Variants in RBFOX1 observed in about 807,000 individuals in gnomAD.
RBFOX1 encodes the protein RNA binding protein fox-1 homolog 1.
RBFOX1 carries 8 observed loss-of-function variants against 57.7 expected under a neutral mutation model. The observed-to-expected ratio is 0.14, with a 90% CI of 0.08 to 0.25. The LOEUF is 0.25. Ranked by LOEUF, RBFOX1 falls within the 10% of genes least tolerant of loss-of-function variation. The pLI is 1.00. For synonymous variants in RBFOX1, 326 were observed against 222.4 expected, an observed-to-expected ratio of 1.47 and a Z score of -4.15; for missense variants, 611 against 548.5, an observed-to-expected ratio of 1.11 and a Z score of -1.14.
chr16:7,546,729 T>G (rs1473885085), intron 5 of RBFOX1, among the ~76,000 whole-genome samples: 1 of 152,252 alleles, frequency 6.6e-6, no homozygotes, highest in Non-Finnish European at 1.5e-5. Context: ...CTCTGATGGC[T>G]TCTTTGTGTC....
At chr16:5,881,584 G>A (rs1159349005) in intron 4 of RBFOX1, among the ~76,000 whole-genome samples, 1 of 152,182 alleles carries the variant, frequency 6.6e-6, no homozygotes, top group Non-Finnish European at 1.5e-5. Context: ...GGAGGCTGAG[G>A]TGGGAGGAGC....
At chr16:6,949,536 C>G (rs1310398784) in intron 3 of RBFOX1, among the ~76,000 whole-genome samples, 3 of 152,078 alleles carry the variant, frequency 2.0e-5, no homozygotes, top group Non-Finnish European at 1.5e-5. Context: ...GCCTCTCTCC[C>G]TGGTTTACTG....
intron 1 of RBFOX1, among the ~76,000 whole-genome samples, chr16:6,083,434 G>A (rs1413749765): frequency 1.3e-5 from 2 of 152,068 alleles, no homozygotes; most frequent in African/African-American, 2.4e-5. Context: ...TCTTTCAACT[G>A]CATATCATTA....
At chr16:6,297,259 T>A (rs1020709048) in intron 1 of RBFOX1, among the ~76,000 whole-genome samples, 10 of 152,160 alleles carry the variant, frequency 6.6e-5, no homozygotes, top group Non-Finnish European at 1.2e-4. Flanking sequence ...TCCTCTGACT[T>A]AGAATGCCTT....
chr16:7,194,929 C>CA (rs59919051), intron 4 of RBFOX1, among the ~76,000 whole-genome samples: 93,961 of 134,110 alleles, frequency 0.7, 34,076 homozygotes, highest in East Asian at 0.91. Context: ...CCCTGTTTCA[C>CA]AAAAAAAAAA....
At chr16:5,655,613 G>T (rs1243052221) in intron 3 of RBFOX1, among the ~76,000 whole-genome samples, 1 of 152,210 alleles carries the variant, frequency 6.6e-6, no homozygotes, top group Non-Finnish European at 1.5e-5. Context: ...GGTTGTCCTT[G>T]ATACAGCAGA....
In RBFOX1 at chr16:6,484,346, T is replaced by C. The variant is rs117459789; in HGVS notation, c.-64+167289T>C. On this transcript the variant is annotated intron_variant, in intron 2 of 15. Coordinates refer to ENST00000550418, the MANE Select transcript of RBFOX1 (RefSeq NM_018723.4). ...CATATCTGTGTAAACATGTCCACCA[T>C]GCTCGTTGCGCTGGTGTACTCTTCA... Among the ~76,000 whole-genome samples, 12 of 152,322 alleles carry C rather than the reference T, an allele frequency of 7.9e-5. No individual in the cohort carries two copies. In the East Asian group the frequency reaches 2.3e-3, roughly 30 times the overall value.
At chr16:6,610,898 A>G (rs1453881300) in intron 2 of RBFOX1, among the ~76,000 whole-genome samples, 1 of 152,208 alleles carries the variant, frequency 6.6e-6, no homozygotes, top group Non-Finnish European at 1.5e-5. Flanking sequence ...TGCCTGTTCC[A>G]CTGATAACAT....
At chr16:6,246,083 A>G (rs1196547634) in intron 1 of RBFOX1, among the ~76,000 whole-genome samples, 1 of 152,206 alleles carries the variant, frequency 6.6e-6, no homozygotes, top group Non-Finnish European at 1.5e-5. Flanking sequence ...AACCCAGTTT[A>G]CAGTAGTTTT....
At chr16:7,385,381 A>G (rs2097858357) in intron 4 of RBFOX1, among the ~76,000 whole-genome samples, 2 of 152,168 alleles carry the variant, frequency 1.3e-5, no homozygotes. Flanking sequence ...ACCGTTGTAG[A>G]AAATTAACAG....
intron 10 of RBFOX1, among the ~76,000 whole-genome samples, chr16:7,629,120 A>G (rs565769670): frequency 6.2e-4 from 95 of 152,326 alleles, no homozygotes; most frequent in African/African-American, 2.2e-3. Context: ...GAAAAAGACC[A>G]TGGGACATTC....
intron 4 of RBFOX1, among the ~76,000 whole-genome samples, chr16:7,410,832 TGTGTGTGTG>T (rs1363975499): frequency 2.3e-4 from 1 of 4,266 alleles, no homozygotes; most frequent in Non-Finnish European, 1.1e-3. Context: ...AGTTTTCACG[TGTGTGTGTG>T]TGTGTGTGTG....
intron 1 of RBFOX1, among the ~76,000 whole-genome samples, chr16:5,360,841 T>C (rs1033722255): frequency 5.3e-5 from 8 of 152,150 alleles, no homozygotes; most frequent in Admixed American, 1.3e-4. Flanking sequence ...TGCCCAGTTT[T>C]GAGGAGAGTA....
chr16:7,603,107 G>T (rs1026774898), intron 9 of RBFOX1, among the ~76,000 whole-genome samples: 1 of 152,092 alleles, frequency 6.6e-6, no homozygotes, highest in African/African-American at 2.4e-5. Context: ...AGTAATAAAC[G>T]CCTACATCAA....
intron 1 of RBFOX1, among the ~76,000 whole-genome samples, chr16:6,054,242 G>A (rs2095587341): frequency 1.3e-5 from 2 of 151,856 alleles, no homozygotes; most frequent in South Asian, 2.1e-4. Flanking sequence ...AATATAATAT[G>A]TTTTTTTGGG....
At chr16:6,953,470 C>G (rs113785571) in intron 3 of RBFOX1, among the ~76,000 whole-genome samples, 6,733 of 152,130 alleles carry the variant, frequency 0.044, 229 homozygotes, top group African/African-American at 0.086. Flanking sequence ...ACCGCAACCT[C>G]CACCTCCTGG....
At chr16:5,412,802 T>C (rs1019120730) in intron 1 of RBFOX1, among the ~76,000 whole-genome samples, 20 of 152,304 alleles carry the variant, frequency 1.3e-4, no homozygotes, top group South Asian at 8.3e-4. Flanking sequence ...TACACACATA[T>C]CCACCAAGCC....
intron 4 of RBFOX1, among the ~76,000 whole-genome samples, chr16:7,238,171 C>T (rs1245177752): frequency 6.6e-6 from 1 of 152,024 alleles, no homozygotes; most frequent in Non-Finnish European, 1.5e-5. Flanking sequence ...ATGGTCGTTA[C>T]CAAGGGCTGG....
intron 4 of RBFOX1, among the ~76,000 whole-genome samples, chr16:5,994,701 A>G (rs1423549046): frequency 6.6e-6 from 1 of 152,080 alleles, no homozygotes. Context: ...TTCCAATAAA[A>G]CTTTATTTGA....
Sources: gnomAD v4.1 joint callset for allele counts (sites outside exome capture counted in the v4.1 genomes callset) on GRCh38, gnomAD v4.1.1 for gene constraint, MANE v1.5 for transcripts, NCBI Gene and HGNC (gene_info 2026-07-23, HGNC 2026-07-21) for gene names.